The following KIAA0513 variants were observed in gnomAD, a reference collection of about 807,000 sequenced individuals.
KIAA0513 encodes uncharacterized protein KIAA0513.
In KIAA0513, 39 loss-of-function variants were observed where a neutral mutation model predicts 56.5. The observed-to-expected ratio is 0.69, with a 90% CI of 0.53 to 0.90. KIAA0513 has a LOEUF of 0.90. Ranked by LOEUF, KIAA0513 falls within the 40% of genes least tolerant of loss-of-function variation. The pLI, the probability that KIAA0513 is intolerant of heterozygous loss-of-function variation, is 0.00. For missense variants in KIAA0513, 591 were observed against 535.2 expected (o/e 1.10, Z -1.03); for synonymous variants, 268 against 215.6 (o/e 1.24, Z -2.13).
chr16:85,082,524 G>A, intron 9 of KIAA0513, 40 bp from the exon 10 acceptor site: 1 of 1,610,838 alleles, frequency 6.2e-7, no homozygotes, highest in Non-Finnish European at 8.5e-7. Flanking sequence ...GCATGACTTT[G>A]ACATGTTCCT....
intron 9 of KIAA0513, among the ~76,000 whole-genome samples, chr16:85,082,057 T>C (rs1475435430): frequency 6.6e-6 from 1 of 152,208 alleles, no homozygotes. Flanking sequence ...TCCTCATTAA[T>C]AAAGCACATC....
chr16:85,085,140 A>T (rs750460166), intron 10 of KIAA0513, among the ~76,000 whole-genome samples: 1 of 152,162 alleles, frequency 6.6e-6, no homozygotes, highest in Non-Finnish European at 1.5e-5. Context: ...GCGGGGGTTT[A>T]TGTGTCTGGA....
At chr16:85,074,328 GTA>G (rs200895116) in intron 4 of KIAA0513, among the ~76,000 whole-genome samples, 4 of 139,578 alleles carry the variant, frequency 2.9e-5, no homozygotes, top group African/African-American at 1.1e-4. Context: ...ACACACACAC[GTA>G]TATATACACA....
chr16:85,065,772 C>G lies in KIAA0513; in HGVS notation c.-172-1128C>G, dbSNP rs144183990. On this transcript the variant is annotated intron_variant, in intron 1 of 12. Transcript: ENST00000683363. ...CTGAGGGGCTGTCAGGAGGGCGTCT[C>G]CTTCCCGCCTAGCTGTCTGCCTCTG... Among the ~76,000 whole-genome samples the G allele has an allele frequency of 2.4e-3, 360 of 152,280 alleles. 3 individuals are homozygous for G. Among genetic ancestry groups the G allele is most frequent in the African/African-American group, 7.5e-3 (312 of 41,570 alleles).
intron 1 of KIAA0513, among the ~76,000 whole-genome samples, chr16:85,038,887 C>T (rs1055796654): frequency 1.2e-4 from 18 of 152,174 alleles, no homozygotes; most frequent in African/African-American, 4.1e-4. Context: ...ACAGCTTGAA[C>T]GAGCCACATT....
At chr16:85,030,987 A>G (rs999931837) in intron 1 of KIAA0513, among the ~76,000 whole-genome samples, 2 of 152,202 alleles carry the variant, frequency 1.3e-5, no homozygotes, top group Non-Finnish European at 2.9e-5. Context: ...AATCTACTCC[A>G]TGCTTAGAAC....
chr16:85,045,133 T>A (rs916455494), intron 1 of KIAA0513, among the ~76,000 whole-genome samples: 1 of 147,416 alleles, frequency 6.8e-6, no homozygotes, highest in Non-Finnish European at 1.5e-5. Context: ...AAATAAATAA[T>A]AAATGACAAA....
rs771447941 is a variant in KIAA0513, at chr16:85,067,161, G to T, written c.90G>T (p.Val30=). 1.2e-6 allele frequency: 2 copies of T among 1,614,152 alleles called. No individual in the cohort carries two copies. The highest frequency in any genetic ancestry group is 8.5e-7 in the Non-Finnish European group (1 of 1,179,994). The change falls in exon 2 of 13, where the codon GTG becomes GTT. Residue 30 remains valine, a synonymous_variant. Transcript: ENST00000683363. ...TSSPLEAPPP[V]LQDGDGSLGD... is the part of the protein sequence containing the mutation. Reference sequence around the variant, plus strand: ...CTCCCCTGGAGGCACCACCCCCTGTGCTGCAGGACGGCGATGGCTCCCTGG... The same window carrying T: ...CTCCCCTGGAGGCACCACCCCCTGTTCTGCAGGACGGCGATGGCTCCCTGG...
intron 1 of KIAA0513, among the ~76,000 whole-genome samples, chr16:85,032,256 T>C (rs2072975272): frequency 6.6e-6 from 1 of 152,224 alleles, no homozygotes; most frequent in Non-Finnish European, 1.5e-5. Flanking sequence ...CTCCACTTCA[T>C]GTCTCCTCCT....
intron 1 of KIAA0513, among the ~76,000 whole-genome samples, chr16:85,048,023 A>C (rs554276445): frequency 8.3e-4 from 126 of 152,376 alleles, no homozygotes; most frequent in Admixed American, 2.4e-3. Flanking sequence ...TAAGGAAACC[A>C]GAACCATAAG....
chr16:85,033,218 C>T (rs953062099), intron 1 of KIAA0513, among the ~76,000 whole-genome samples: 2 of 152,188 alleles, frequency 1.3e-5, no homozygotes, highest in Non-Finnish European at 2.9e-5. Flanking sequence ...ATCCAGCGAC[C>T]TGCCCGAGGC....
chr16:85,031,138 G>C (rs148855918), intron 1 of KIAA0513, among the ~76,000 whole-genome samples: 1 of 152,186 alleles, frequency 6.6e-6, no homozygotes, highest in East Asian at 1.9e-4. Context: ...AGCTCATTCT[G>C]TAGAGGCCCA....
intron 1 of KIAA0513, among the ~76,000 whole-genome samples, chr16:85,043,784 G>A (rs2143878432): frequency 6.6e-6 from 1 of 152,270 alleles, no homozygotes; most frequent in Admixed American, 6.5e-5. Context: ...TGTAATCCCA[G>A]CACTCTGGGA....
chr16:85,055,775 G>T (rs542189920), intron 1 of KIAA0513, among the ~76,000 whole-genome samples: 23 of 152,260 alleles, frequency 1.5e-4, no homozygotes, highest in African/African-American at 4.8e-4. Flanking sequence ...TGTTATCTTG[G>T]TTTTTTCGGA....
At position 85,081,880 on chromosome 16, in the gene KIAA0513, G is replaced by A. The variant is rs574424240; in HGVS notation, c.980+488G>A. On this transcript the variant is annotated intron_variant, in intron 9 of 12. Transcript: ENST00000683363. This position sits in a 1 kb window ranked among gnomAD's most constrained non-coding sequence, Gnocchi z 4.4. ...TCCCAGCTTCACCGAGGGCCACCTC[G>A]CACGTGGCAGAGGGGAGGGGCTGGC... Among the ~76,000 whole-genome samples, 10 of 152,306 alleles carry A rather than the reference G, an allele frequency of 6.6e-5. No homozygotes were observed. The highest frequency in any genetic ancestry group is 2.4e-4 in the African/African-American group (10 of 41,570).
In KIAA0513 at chr16:85,052,911, G is replaced by A. The variant is rs182963119; in HGVS notation, c.-172-13989G>A. ...TTTTTATTTTTATTTTTTTTATTTT[G>A]AGACCGTCTCGCTCTGTCACCCAGG... On this transcript the variant is annotated intron_variant, in intron 1 of 12. Transcript: ENST00000683363. Among the ~76,000 whole-genome samples the A allele has an allele frequency of 3.8e-3, 581 of 151,438 alleles. 3 individuals are homozygous for A. Among genetic ancestry groups the A allele is most frequent in the Non-Finnish European group, 6.6e-3 (447 of 67,878 alleles).
chr16:85,036,884 G>A (rs566872625), intron 1 of KIAA0513, among the ~76,000 whole-genome samples: 9 of 152,236 alleles, frequency 5.9e-5, no homozygotes, highest in Non-Finnish European at 1.2e-4. Context: ...TGTGTCTGAG[G>A]CCCGCCTTGC....
At chr16:85,073,586 C>T (rs758632630) in intron 4 of KIAA0513, among the ~76,000 whole-genome samples, 3 of 152,240 alleles carry the variant, frequency 2.0e-5, no homozygotes, top group Non-Finnish European at 4.4e-5. Flanking sequence ...CATAGACCCT[C>T]TTCTCAGGAG....
rs2073709488 is a variant in KIAA0513 at position 85,079,414 on chromosome 16, G to A, written c.902+411G>A. The A allele has an allele frequency of 1.6e-5, 3 of 188,220 alleles. No homozygotes were observed. The South Asian group carries it at 3.9e-4, about 25-fold the overall frequency. 11.7% of individuals were successfully genotyped at this position (188,220 alleles called of 1,614,324 possible). On this transcript the variant is annotated intron_variant, in intron 8 of 12. Coordinates refer to ENST00000683363, the MANE Select transcript of KIAA0513 (RefSeq NM_001388359.1). Reference sequence around the variant, plus strand: ...CCTTCATGGCTGTCCAGTGATGAATGGGTAAACAAAATGTGGTCCATCCGT... The same window carrying A: ...CCTTCATGGCTGTCCAGTGATGAATAGGTAAACAAAATGTGGTCCATCCGT...
Sources: gnomAD v4.1 joint callset for allele counts (sites outside exome capture counted in the v4.1 genomes callset) on GRCh38, gnomAD v4.1.1 for gene constraint, Gnocchi (gnomAD v3.1) non-coding constraint, MANE v1.5 for transcripts, NCBI Gene and HGNC (gene_info 2026-07-23, HGNC 2026-07-21) for gene names.